The following TNFRSF11A variants were observed in gnomAD, a reference collection of about 807,000 sequenced individuals.
TNFRSF11A encodes the protein TNF receptor superfamily member 11a.
In TNFRSF11A, 32 loss-of-function variants were observed where a neutral mutation model predicts 55.7. That is an observed-to-expected ratio of 0.57 (90% CI 0.43 to 0.77). TNFRSF11A has a LOEUF of 0.77. Ranked by LOEUF, TNFRSF11A falls within the 30% of genes least tolerant of loss-of-function variation. TNFRSF11A has a pLI of 0.00. For missense variants in TNFRSF11A, 753 were observed against 809.8 expected, an observed-to-expected ratio of 0.93 and a Z score of 0.85; for synonymous variants, 311 against 331.0, an observed-to-expected ratio of 0.94 and a Z score of 0.65.
At chr18:62,373,830 C>G (rs995719706) in intron 9 of TNFRSF11A, 3 of 152,402 alleles carry the variant, frequency 2.0e-5, no homozygotes, top group Non-Finnish European at 2.9e-5. Flanking sequence ...CTGCCTGACC[C>G]CTCATCCTCC....
At chr18:62,345,238 AAGC>A (rs1474603778) in intron 1 of TNFRSF11A, among the ~76,000 whole-genome samples, 1 of 152,056 alleles carries the variant, frequency 6.6e-6, no homozygotes, top group Non-Finnish European at 1.5e-5. Flanking sequence ...AGAACACTGG[AAGC>A]AGAGAGCCAG....
intron 1 of TNFRSF11A, among the ~76,000 whole-genome samples, chr18:62,332,140 A>G (rs2046164241): frequency 6.6e-6 from 1 of 152,218 alleles, no homozygotes. Context: ...AAGCTGGGCA[A>G]TGGGGAAAGA....
In TNFRSF11A at chr18:62,358,228, T is replaced by G. The variant is rs565994027; in HGVS notation, c.428-20T>G. 80 of 1,327,248 alleles carry G rather than the reference T, an allele frequency of 6.0e-5. No homozygotes were observed. The Admixed American group carries it at 6.1e-4, about 10-fold the overall frequency. The allele number at this position is 1,327,248 out of a possible 1,614,324, so 82.2% of individuals were successfully genotyped here. A position where few individuals can be genotyped will look rare whatever the true frequency, so the allele number is the denominator to read the frequency against. On this transcript the variant is annotated intron_variant, in intron 4 of 9. Coordinates refer to ENST00000586569, the MANE Select transcript of TNFRSF11A (RefSeq NM_003839.4). ...TTTTGTTTGTTCTGTCTGGGTTGTT[T>G]TTTTTTTTTTTTCTCACAGTGCAGC...
At chr18:62,348,312 T>C in intron 2 of TNFRSF11A, 63 bp downstream of exon 2, 1 of 1,466,098 alleles carries the variant, frequency 6.8e-7, no homozygotes, top group Non-Finnish European at 9.5e-7. Context: ...TTCATTATTT[T>C]TTCTGTCTGC....
intron 1 of TNFRSF11A, among the ~76,000 whole-genome samples, chr18:62,343,689 GT>G (rs1568476689): frequency 1.3e-5 from 2 of 152,264 alleles, no homozygotes; most frequent in East Asian, 3.9e-4. Context: ...ACACCAGCCT[GT>G]ATGCCCTGAA....
chr18:62,385,810 C>T lies in TNFRSF11A; in HGVS notation c.*776C>T, dbSNP rs1350126536. 4 of 152,210 alleles carry T rather than the reference C, an allele frequency of 2.6e-5. No individual in the cohort carries two copies. The highest frequency in any genetic ancestry group is 5.9e-5 in the Non-Finnish European group (4 of 68,082). The allele number at this position is 152,210 out of a possible 1,614,324, so 9.4% of individuals were successfully genotyped here. A position where few individuals can be genotyped will look rare whatever the true frequency, so the allele number is the denominator to read the frequency against. ...CTGCTTTACGTATTTTCTTTTGTGC[C>T]CCTGCTCACAGTGTTTTAGAGATGG... On this transcript the variant is annotated 3_prime_UTR_variant, in exon 10 of 10. Transcript: ENST00000586569.
intron 1 of TNFRSF11A, among the ~76,000 whole-genome samples, chr18:62,344,313 G>A (rs577499450): frequency 2.0e-5 from 3 of 152,178 alleles, no homozygotes; most frequent in Non-Finnish European, 2.9e-5. Flanking sequence ...CGATTCCAAA[G>A]CTTTGACTCT....
intron 3 of TNFRSF11A, among the ~76,000 whole-genome samples, chr18:62,354,025 T>C (rs1158683660): frequency 6.6e-6 from 1 of 152,190 alleles, no homozygotes; most frequent in African/African-American, 2.4e-5. Flanking sequence ...CTTATACATA[T>C]GGCATTTGAA....
At chr18:62,333,389 G>C (rs867302263) in intron 1 of TNFRSF11A, among the ~76,000 whole-genome samples, 1 of 152,296 alleles carries the variant, frequency 6.6e-6, no homozygotes. Context: ...TCTGACACAT[G>C]CTCAAGTTTG....
chr18:62,327,329 A>G (rs561042748), intron 1 of TNFRSF11A, among the ~76,000 whole-genome samples: 77 of 152,234 alleles, frequency 5.1e-4, no homozygotes, highest in Admixed American at 9.2e-4. Flanking sequence ...CGTGGCCACT[A>G]CCACCTGCCC....
intron 9 of TNFRSF11A, among the ~76,000 whole-genome samples, chr18:62,381,161 A>G (rs17069906): frequency 0.02 from 3,047 of 152,288 alleles, 47 homozygotes; most frequent in Non-Finnish European, 0.028. Flanking sequence ...AAATGTTTAG[A>G]TATTCTACTT....
intron 9 of TNFRSF11A, 131 bp downstream of exon 9, chr18:62,369,615 T>A: frequency 1.7e-6 from 2 of 1,173,608 alleles, no homozygotes; most frequent in Non-Finnish European, 2.4e-6. Flanking sequence ...TTTCTCTTAA[T>A]AAGCATTTTT....
At position 62,390,163 on chromosome 18, in the gene TNFRSF11A, C is replaced by T. The variant is rs1458993343; in HGVS notation, c.*5129C>T. 1 of 152,196 alleles carries T rather than the reference C, an allele frequency of 6.6e-6. No individual in the cohort carries two copies. Among genetic ancestry groups the T allele is most frequent in the Non-Finnish European group, 1.5e-5 (1 of 68,066 alleles). 9.4% of individuals were successfully genotyped at this position (152,196 alleles called of 1,614,324 possible). On this transcript the variant is annotated 3_prime_UTR_variant, in exon 10 of 10. Transcript: ENST00000586569. ...ATCATGTCGGACCACGTAACTATAA[C>T]CAAGCTCTGCTGCCCACCTGGGACA... is the stretch of plus-strand genomic sequence containing the variant.
At chr18:62,335,451 A>T (rs2145249802) in intron 1 of TNFRSF11A, among the ~76,000 whole-genome samples, 1 of 152,286 alleles carries the variant, frequency 6.6e-6, no homozygotes, top group African/African-American at 2.4e-5. Context: ...AAGCACCAGA[A>T]GGCATAACCA....
Position 62,385,043 on chromosome 18 carries a change from C to T in TNFRSF11A, c.*9C>T. On this transcript the variant is annotated 3_prime_UTR_variant, in exon 10 of 10. Transcript: ENST00000586569. The stretch of plus-strand genomic sequence containing the variant: ...GCGGGGCCAAGGCTTGAGCGCCCCC[C>T]ATGGCTGGGAGCCCGAAGCTCGGAG... 7 of 1,467,670 alleles carry T rather than the reference C, an allele frequency of 4.8e-6. No individual in the cohort carries two copies. Among genetic ancestry groups the T allele is most frequent in the Non-Finnish European group, 6.3e-6 (7 of 1,119,198 alleles). 90.9% of individuals were successfully genotyped at this position (1,467,670 alleles called of 1,614,324 possible).
chr18:62,359,433 G>A (rs1037408452), intron 5 of TNFRSF11A, among the ~76,000 whole-genome samples: 1 of 151,886 alleles, frequency 6.6e-6, no homozygotes, highest in African/African-American at 2.4e-5. Context: ...AGGCCAAAGT[G>A]CAGTGGTACA....
chr18:62,333,456 A>G (rs900020442), intron 1 of TNFRSF11A, among the ~76,000 whole-genome samples: 3 of 152,214 alleles, frequency 2.0e-5, no homozygotes, highest in Non-Finnish European at 4.4e-5. Flanking sequence ...CAGCTCTGAC[A>G]ATATTAGAAG....
chr18:62,354,197 G>T (rs563876102), intron 3 of TNFRSF11A, among the ~76,000 whole-genome samples, 194 bp from the exon 4 acceptor site: 3 of 152,196 alleles, frequency 2.0e-5, no homozygotes, highest in African/African-American at 7.2e-5. Flanking sequence ...GAACCCCCCC[G>T]TGACGTTTTC....
chr18:62,326,270 C>CCGCA (rs1049095491), intron 1 of TNFRSF11A, among the ~76,000 whole-genome samples: 7 of 152,198 alleles, frequency 4.6e-5, no homozygotes, highest in African/African-American at 1.4e-4. Context: ...TGCCGTCCCT[C>CCGCA]CGCAGCCGGG....
Sources: allele counts gnomAD v4.1 joint callset (sites outside exome capture counted in the v4.1 genomes callset), GRCh38; gene constraint gnomAD v4.1.1; transcripts MANE v1.5; gene names NCBI Gene and HGNC (gene_info 2026-07-23, HGNC 2026-07-21).